Variants in SLC17A6 observed in about 807,000 individuals in gnomAD.
SLC17A6 encodes solute carrier family 17 member 6.
Under a neutral mutation model 67.1 loss-of-function variants are expected in SLC17A6, and 35 were observed. The ratio of observed to expected loss-of-function variants is 0.52; its 90% confidence interval spans 0.40 to 0.69. The LOEUF is 0.69. Ranked by LOEUF, SLC17A6 falls within the 30% of genes least tolerant of loss-of-function variation. SLC17A6 has a pLI of 0.00. For synonymous variants in SLC17A6, 285 were observed against 252.3 expected (o/e 1.13, Z -1.23); for missense variants, 588 against 723.9 (o/e 0.81, Z 2.15).
At chr11:22,342,206 G>A (rs1430400999) in intron 2 of SLC17A6, among the ~76,000 whole-genome samples, 1 of 152,208 alleles carries the variant, frequency 6.6e-6, no homozygotes, top group Non-Finnish European at 1.5e-5. Flanking sequence ...AACAAAATCA[G>A]CTGTGTTCAT....
intron 2 of SLC17A6, 130 bp from the exon 3 acceptor site, chr11:22,343,117 G>C: frequency 1.3e-6 from 1 of 770,750 alleles, no homozygotes; most frequent in Non-Finnish European, 2.2e-6. Context: ...CGAAAATGAA[G>C]CCACTCTTAT....
intron 3 of SLC17A6, among the ~76,000 whole-genome samples, chr11:22,351,042 T>C (rs572813857): frequency 6.6e-6 from 1 of 152,240 alleles, no homozygotes; most frequent in African/African-American, 2.4e-5. Context: ...TGTATTTATT[T>C]CTAGAAAATG....
At chr11:22,368,713 C>T (rs1856140264) in intron 7 of SLC17A6, among the ~76,000 whole-genome samples, 1 of 151,988 alleles carries the variant, frequency 6.6e-6, no homozygotes, top group Non-Finnish European at 1.5e-5. Flanking sequence ...ACATTTCTGT[C>T]TTCTGACATT....
intron 3 of SLC17A6, among the ~76,000 whole-genome samples, chr11:22,347,676 T>G (rs1350727949): frequency 6.6e-6 from 1 of 152,198 alleles, no homozygotes; most frequent in African/African-American, 2.4e-5. Context: ...TTATTCAAAT[T>G]GAAATTATTG....
intron 3 of SLC17A6, among the ~76,000 whole-genome samples, chr11:22,356,543 G>T (rs1175838108): frequency 6.6e-6 from 1 of 152,098 alleles, no homozygotes; most frequent in Non-Finnish European, 1.5e-5. Flanking sequence ...GATAGATAAA[G>T]AAATTAAGAG....
intron 9 of SLC17A6, 58 bp from the exon 10 acceptor site, chr11:22,375,924 G>T: frequency 2.5e-6 from 3 of 1,188,530 alleles, no homozygotes; most frequent in Non-Finnish European, 3.7e-6. Flanking sequence ...TAGCAGTTTT[G>T]GCTCATTGGT....
intron 8 of SLC17A6, among the ~76,000 whole-genome samples, chr11:22,371,760 C>G (rs999514273): frequency 6.6e-6 from 1 of 151,776 alleles, no homozygotes; most frequent in African/African-American, 2.4e-5. Flanking sequence ...TTATTTCATT[C>G]ATTAGTTATA....
chr11:22,366,996 C>T (rs1856119819), intron 7 of SLC17A6, among the ~76,000 whole-genome samples: 1 of 133,134 alleles, frequency 7.5e-6, no homozygotes, highest in African/African-American at 2.9e-5. Flanking sequence ...ACAAACAAGA[C>T]TCCGTCTCGA....
intron 3 of SLC17A6, among the ~76,000 whole-genome samples, chr11:22,348,929 G>A (rs1302423405): frequency 6.6e-6 from 1 of 152,116 alleles, no homozygotes; most frequent in African/African-American, 2.4e-5. Flanking sequence ...TTTTACTGGT[G>A]CTGTTCTGTC....
chr11:22,366,295 G>A lies in SLC17A6; in HGVS notation c.891+606G>A, dbSNP rs1019856577. ...CCCCCACCCTGTAAAATATCTTATT[G>A]TACTGTACAACTAGTAACTGAAACC... On this transcript the variant is annotated intron_variant, in intron 7 of 11. Transcript: ENST00000263160. Among the ~76,000 whole-genome samples the A allele has an allele frequency of 2.0e-5, 3 of 151,528 alleles. No homozygotes were observed. In the South Asian group the frequency reaches 6.2e-4, roughly 31 times the overall value.
At chr11:22,360,468 C>T (rs1255453954) in intron 4 of SLC17A6, among the ~76,000 whole-genome samples, 1 of 151,482 alleles carries the variant, frequency 6.6e-6, no homozygotes, top group African/African-American at 2.4e-5. Context: ...TGCACATGTA[C>T]CCCAGAACTT....
rs759842132 is a variant in SLC17A6 at position 22,362,824 on chromosome 11, C to CGGTAT, written c.748+1_748+5dup. The CGGTAT allele has an allele frequency of 6.2e-7, 1 of 1,612,032 alleles. No individual in the cohort carries two copies. Among genetic ancestry groups the CGGTAT allele is most frequent in the East Asian group, 2.2e-5 (1 of 44,870 alleles). On this transcript the variant is annotated frameshift_variant and splice_region_variant, in exon 6 of 12. Coordinates refer to ENST00000263160, the MANE Select transcript of SLC17A6 (RefSeq NM_020346.3). LOFTEE classifies it high-confidence loss of function. ...GCTGGTCTTCAGTGTTTTATGTCTA[C>CGGTAT]GGTATGTTATATTTCTATGCAATAG... is the stretch of plus-strand genomic sequence containing the variant.
rs1855957325 is a variant in SLC17A6 at position 22,352,851 on chromosome 11, C to T, written c.459-6562C>T. ...AAGACTGTGAATTTTCTTTTCTGGT[C>T]ATTTCCCATGAGATACTTTAGATGG... On this transcript the variant is annotated intron_variant, in intron 3 of 11. Coordinates refer to ENST00000263160, the MANE Select transcript of SLC17A6 (RefSeq NM_020346.3). 2.6e-5 allele frequency among the ~76,000 whole-genome samples: 4 copies of T among 152,148 alleles called. No individual in the cohort carries two copies. The South Asian group carries it at 8.3e-4, about 32-fold the overall frequency.
At chr11:22,361,235 G>T in intron 5 of SLC17A6, 2 of 378,780 alleles carry the variant, frequency 5.3e-6, no homozygotes, top group Non-Finnish European at 4.8e-6. Context: ...TATATTCATG[G>T]GTGGTTTTTA....
intron 7 of SLC17A6, among the ~76,000 whole-genome samples, chr11:22,369,357 A>T (rs1051592795): frequency 6.6e-6 from 1 of 152,018 alleles, no homozygotes; most frequent in Admixed American, 6.6e-5. Context: ...AATGCTTTGA[A>T]TATTTTAAGT....
At chr11:22,376,890 C>G (rs1856238062) in intron 11 of SLC17A6, among the ~76,000 whole-genome samples, 1 of 152,090 alleles carries the variant, frequency 6.6e-6, no homozygotes, top group Non-Finnish European at 1.5e-5. Context: ...TTTCTCAACC[C>G]TTTTTAATAA....
At chr11:22,373,626 A>G (rs1308534192) in intron 8 of SLC17A6, among the ~76,000 whole-genome samples, 1 of 152,192 alleles carries the variant, frequency 6.6e-6, no homozygotes, top group Non-Finnish European at 1.5e-5. Flanking sequence ...AAAGGCTAAG[A>G]GCCCAGTCTT....
chr11:22,341,489 G>A, intron 1 of SLC17A6, 39 bp from the exon 2 acceptor site: 1 of 1,599,226 alleles, frequency 6.3e-7, no homozygotes, highest in Non-Finnish European at 8.5e-7. Context: ...GGGTACCTAA[G>A]CCGCCAAGTC....
chr11:22,376,754 A>G, intron 11 of SLC17A6, 82 bp downstream of exon 11: 1 of 1,454,708 alleles, frequency 6.9e-7, no homozygotes, highest in Non-Finnish European at 9.6e-7. Context: ...TTAAAATATT[A>G]TCCTTAGCAT....
Sources: allele counts gnomAD v4.1 joint callset (sites outside exome capture counted in the v4.1 genomes callset), GRCh38; gene constraint gnomAD v4.1.1; transcripts MANE v1.5; gene names NCBI Gene and HGNC (gene_info 2026-07-23, HGNC 2026-07-21).